KAZN: variants seen among roughly 807,000 people sequenced by gnomAD.
KAZN encodes kazrin.
A neutral mutation model predicts 87.4 loss-of-function variants in KAZN; 40 were observed. The ratio of observed to expected loss-of-function variants is 0.46; its 90% CI spans 0.36 to 0.60. The LOEUF is 0.60. Ranked by LOEUF, KAZN falls within the 20% of genes least tolerant of loss-of-function variation. The pLI, the probability that KAZN is intolerant of heterozygous loss-of-function variation, is 0.00. For missense variants in KAZN, 898 were observed against 1,073.9 expected (o/e 0.84, Z 2.29); for synonymous variants, 466 against 458.3 (o/e 1.02, Z -0.22).
chr1:14,522,323 A>G (rs1014959636), intron 2 of KAZN, among the ~76,000 whole-genome samples: 1 of 152,128 alleles, frequency 6.6e-6, no homozygotes, highest in African/African-American at 2.4e-5. Context: ...TGAGACCTAC[A>G]TGTGATTTGT....
At chr1:14,710,605 C>T (rs1395316984) in intron 1 of KAZN, among the ~76,000 whole-genome samples, 1 of 152,182 alleles carries the variant, frequency 6.6e-6, no homozygotes, top group Non-Finnish European at 1.5e-5. Flanking sequence ...TCTTTCAGGG[C>T]TCTCTCCCCA....
At chr1:14,799,364 T>C (rs1645935724) in intron 1 of KAZN, among the ~76,000 whole-genome samples, 1 of 152,224 alleles carries the variant, frequency 6.6e-6, no homozygotes, top group African/African-American at 2.4e-5. Flanking sequence ...AAGGCTTCAT[T>C]TGGGACACCT....
intron 1 of KAZN, among the ~76,000 whole-genome samples, chr1:14,692,863 G>A (rs556009502): frequency 1.3e-5 from 2 of 152,290 alleles, no homozygotes; most frequent in East Asian, 1.9e-4. Flanking sequence ...AATCTGGGAG[G>A]TGGAGGTTGC....
chr1:14,409,457 A>G (rs1319137001), intron 2 of KAZN, among the ~76,000 whole-genome samples: 1 of 152,212 alleles, frequency 6.6e-6, no homozygotes, highest in Non-Finnish European at 1.5e-5. Flanking sequence ...AGATTCTGTT[A>G]AAACAAAATT....
intron 2 of KAZN, among the ~76,000 whole-genome samples, chr1:14,393,842 C>CAAAAAAAAAA (rs35205129): frequency 1.1e-5 from 1 of 87,014 alleles, no homozygotes; most frequent in Non-Finnish European, 2.1e-5. Context: ...GACCCAATCT[C>CAAAAAAAAAA]AAAAAAAAAA....
intron 2 of KAZN, among the ~76,000 whole-genome samples, chr1:14,283,761 C>G (rs563785445): frequency 2.6e-5 from 4 of 152,084 alleles, no homozygotes; most frequent in Non-Finnish European, 5.9e-5. Flanking sequence ...AATTGAAGAC[C>G]TATATCCATC....
At chr1:14,638,141 A>G (rs1680134812) in intron 1 of KAZN, among the ~76,000 whole-genome samples, 1 of 152,186 alleles carries the variant, frequency 6.6e-6, no homozygotes, top group Admixed American at 6.5e-5. Context: ...ACCCTCATCC[A>G]GGATGGCCTC....
chr1:14,915,223 A>G (rs1293389491), intron 1 of KAZN, among the ~76,000 whole-genome samples: 1 of 152,204 alleles, frequency 6.6e-6, no homozygotes, highest in South Asian at 2.1e-4. Flanking sequence ...ATGAGCTAAT[A>G]TGTGTAAACT....
At chr1:13,929,418 C>G (rs1421681635) in intron 1 of KAZN, among the ~76,000 whole-genome samples, 3 of 152,158 alleles carry the variant, frequency 2.0e-5, no homozygotes, top group Non-Finnish European at 4.4e-5. Flanking sequence ...CATTCAGGAT[C>G]CCAAGGAAGA....
intron 1 of KAZN, among the ~76,000 whole-genome samples, chr1:13,903,329 G>A (rs759406905): frequency 6.6e-6 from 1 of 152,210 alleles, no homozygotes; most frequent in Non-Finnish European, 1.5e-5. Flanking sequence ...TGAGCTAGAT[G>A]AAACAGACAT....
At chr1:14,468,837 C>G (rs1393183860) in intron 2 of KAZN, among the ~76,000 whole-genome samples, 8 of 152,188 alleles carry the variant, frequency 5.3e-5, no homozygotes. Flanking sequence ...CAACCGTTTG[C>G]AAGATGGTCT....
chr1:14,060,362 C>CAAAAA (rs56206554), intron 1 of KAZN, among the ~76,000 whole-genome samples: 1 of 100,656 alleles, frequency 9.9e-6, no homozygotes. Context: ...GACTCCACCT[C>CAAAAA]AAAAAAAAAA....
chr1:14,367,089 CGTG>C, intron 2 of KAZN, among the ~76,000 whole-genome samples: 1 of 152,226 alleles, frequency 6.6e-6, no homozygotes, highest in East Asian at 1.9e-4. Context: ...ATTAGCGAGG[CGTG>C]GTGGCACGCG....
At chr1:14,491,136 A>G (rs1281849173) in intron 2 of KAZN, among the ~76,000 whole-genome samples, 1 of 152,158 alleles carries the variant, frequency 6.6e-6, no homozygotes, top group Non-Finnish European at 1.5e-5. Flanking sequence ...GTTTATTCCT[A>G]GGTGTCCTGG....
At chr1:14,689,448 G>T (rs551499878) in intron 1 of KAZN, among the ~76,000 whole-genome samples, 2 of 152,118 alleles carry the variant, frequency 1.3e-5, no homozygotes, top group South Asian at 4.1e-4. Context: ...TGTTGATGGG[G>T]GTGGAAATAC....
intron 2 of KAZN, among the ~76,000 whole-genome samples, chr1:14,552,423 G>C (rs774351508): frequency 6.6e-6 from 1 of 152,326 alleles, no homozygotes; most frequent in African/African-American, 2.4e-5. Flanking sequence ...TCCGTACCAC[G>C]GCTCCCCTTC....
intron 1 of KAZN, among the ~76,000 whole-genome samples, chr1:14,829,493 T>G (rs1646993635): frequency 6.6e-6 from 1 of 152,100 alleles, no homozygotes; most frequent in African/African-American, 2.4e-5. Context: ...TCTCTTGAGC[T>G]CAGGGGTTCA....
intron 2 of KAZN, among the ~76,000 whole-genome samples, chr1:14,563,512 G>A (rs181846497): frequency 6.6e-6 from 1 of 152,140 alleles, no homozygotes; most frequent in African/African-American, 2.4e-5. Flanking sequence ...GTACCCAGCT[G>A]TCCCAAACCT....
intron 1 of KAZN, among the ~76,000 whole-genome samples, chr1:14,892,264 G>A (rs1425849601): frequency 1.3e-5 from 2 of 152,150 alleles, no homozygotes; most frequent in Non-Finnish European, 2.9e-5. Flanking sequence ...AGAGAGTTCA[G>A]TCCCTGCCCC....
Sources: allele counts gnomAD v4.1 joint callset (sites outside exome capture counted in the v4.1 genomes callset), GRCh38; gene constraint gnomAD v4.1.1; transcripts MANE v1.5; gene names NCBI Gene and HGNC (gene_info 2026-07-23, HGNC 2026-07-21).